BCAT2: variants seen among roughly 807,000 people sequenced by gnomAD.
The protein encoded by BCAT2 is branched-chain-amino-acid aminotransferase, mitochondrial.
BCAT2 carries 44 observed loss-of-function variants against 52.9 expected under a neutral mutation model. That is an observed-to-expected ratio of 0.83 (90% CI 0.65 to 1.07). BCAT2 has a LOEUF of 1.07. BCAT2 is among the 50% of genes least tolerant of loss of function. BCAT2 has a pLI of 0.00. For synonymous variants in BCAT2, 215 were observed against 217.1 expected (o/e 0.99, Z 0.08); for missense variants, 478 against 521.8 (o/e 0.92, Z 0.82).
At chr19:48,800,359 A>G in intron 3 of BCAT2, 62 bp from the exon 4 acceptor site, 3 of 1,356,730 alleles carry the variant, frequency 2.2e-6, no homozygotes, top group Non-Finnish European at 3.1e-6. Flanking sequence ...AGAGACACCA[A>G]GACAGACAGA....
intron 3 of BCAT2, among the ~76,000 whole-genome samples, chr19:48,802,730 G>C (rs2122677096): frequency 6.6e-6 from 1 of 152,234 alleles, no homozygotes; most frequent in Non-Finnish European, 1.5e-5. Flanking sequence ...TTGCAGGTGA[G>C]CCATCACAGC....
rs1275381183 is a variant in BCAT2, at chr19:48,806,505, C to T, written c.300+12G>A. The T allele has an allele frequency of 3.7e-6, 6 of 1,613,376 alleles. No individual in the cohort carries two copies. Among genetic ancestry groups the T allele is most frequent in the Middle Eastern group, 1.8e-4 (1 of 5,574 alleles). On this transcript the variant is annotated intron_variant, in intron 3 of 10. Coordinates refer to ENST00000316273, the MANE Select transcript of BCAT2 (RefSeq NM_001190.4). ...AGACAGGGACAGGGAGAGAGGCCGG[C>T]CGCCATGCCACCTGCAGGGAGTAGT... is the stretch of plus-strand genomic sequence containing the variant.
Position 48,806,550 on chromosome 19 carries a change from G to T in BCAT2, c.267C>A (p.His89Gln). The T allele has an allele frequency of 1.2e-6, 2 of 1,614,048 alleles. No individual in the cohort carries two copies. Among genetic ancestry groups the T allele is most frequent in the Non-Finnish European group, 1.7e-6 (2 of 1,179,994 alleles). ...AGTAGTGGAGGCTGGAGGAGGCTGG[G>T]TGCAGCGTGAGGTTCTGGAAGGGCT... ...RIQPFQNLTL[H>Q]PASSSLHYSL... is the part of the protein sequence containing the mutation. The change falls in exon 3 of 11, where the codon CAC (histidine) becomes CAA (glutamine). Residue 89 changes from histidine (H) to glutamine (Q), a missense_variant. By Grantham distance (24) the His-to-Gln change is conservative (BLOSUM62 0). Coordinates refer to ENST00000316273, the MANE Select transcript of BCAT2 (RefSeq NM_001190.4).
chr19:48,801,093 T>C (rs146908407), intron 3 of BCAT2, among the ~76,000 whole-genome samples: 17 of 152,190 alleles, frequency 1.1e-4, no homozygotes, highest in African/African-American at 4.1e-4. Flanking sequence ...GTCCAAGTGA[T>C]TCTTGTGCCT....
intron 8 of BCAT2, 38 bp downstream of exon 8, chr19:48,796,899 C>A: frequency 6.2e-7 from 1 of 1,610,044 alleles, no homozygotes; most frequent in Non-Finnish European, 8.5e-7. Flanking sequence ...TGGCCCCTGG[C>A]ACATGGCGCC....
rs927883729 is a variant in BCAT2, at chr19:48,795,318, G to T, written c.*108C>A. Reference sequence around the variant, plus strand: ...GGCGCCAGAGACCCAGACGCCGCCCGCTGGCCTTTTATTTCGTATTGCACT... The same window carrying T: ...GGCGCCAGAGACCCAGACGCCGCCCTCTGGCCTTTTATTTCGTATTGCACT... On this transcript the variant is annotated 3_prime_UTR_variant, in exon 11 of 11. Transcript: ENST00000316273. 4 of 1,465,978 alleles carry T rather than the reference G, an allele frequency of 2.7e-6. No individual in the cohort carries two copies. In the African/African-American group the frequency reaches 5.6e-5, roughly 20 times the overall value. 90.8% of individuals were successfully genotyped at this position (1,465,978 alleles called of 1,614,324 possible). A position where few individuals can be genotyped will look rare whatever the true frequency, so the allele number is the denominator to read the frequency against.
chr19:48,799,976 C>T lies in BCAT2; in HGVS notation c.531+5G>A, dbSNP rs781079074. The T allele has an allele frequency of 8.7e-6, 14 of 1,612,218 alleles. No homozygotes were observed. The highest frequency in any genetic ancestry group is 1.1e-5 in the Non-Finnish European group (13 of 1,179,000). ...CCAGCTTCCCAGCCCTGGAGTTGGGCCCACCTCGTTCCCAATGAGCACAGG... is the reference window on the plus strand; with the variant it reads ...CCAGCTTCCCAGCCCTGGAGTTGGGTCCACCTCGTTCCCAATGAGCACAGG... On this transcript the variant is annotated splice_donor_5th_base_variant and intron_variant, in intron 5 of 10. Coordinates refer to ENST00000316273, the MANE Select transcript of BCAT2 (RefSeq NM_001190.4). The surrounding 1 kb of genome is among the most constrained non-coding windows in gnomAD (Gnocchi z 5.5).
At position 48,806,598 on chromosome 19, in the gene BCAT2, C is replaced by T. The variant is rs2034787317; in HGVS notation, c.219G>A (p.Lys73=). 6.2e-7 allele frequency: 1 copy of T among 1,614,194 alleles called. No homozygotes were observed. The highest frequency in any genetic ancestry group is 8.5e-7 in the Non-Finnish European group (1 of 1,180,042). The part of the protein sequence containing the change: ...DHMLMVEWND[K]GWGQPRIQPF... Reference sequence around the variant, plus strand: ...GCTGGATTCGGGGCTGGCCCCAGCCCTTGTCATTCCATTCCACCATCAGCA... The same window carrying T: ...GCTGGATTCGGGGCTGGCCCCAGCCTTTGTCATTCCATTCCACCATCAGCA... The change falls in exon 3 of 11, where the codon AAG becomes AAA. Residue 73 remains lysine, a synonymous_variant. Coordinates refer to ENST00000316273, the MANE Select transcript of BCAT2 (RefSeq NM_001190.4).
chr19:48,797,525 C>T (rs2034554529), intron 6 of BCAT2, 192 bp from the exon 7 acceptor site: 2 of 623,850 alleles, frequency 3.2e-6, no homozygotes, highest in South Asian at 4.1e-5. Flanking sequence ...TCCCCTCTCT[C>T]CTGTCTCTTC....
rs374555330 is a variant in BCAT2, at chr19:48,796,693, G to T, written c.950C>A (p.Thr317Lys). 1.3e-5 allele frequency: 21 copies of T among 1,612,788 alleles called. No homozygotes were observed. In the South Asian group the frequency reaches 2.1e-4, roughly 16 times the overall value. The change falls in exon 9 of 11, where the codon ACG becomes AAG. Residue 317 changes from threonine (T) to lysine (K), a missense_variant. Transcript: ENST00000316273. The stretch of plus-strand genomic sequence containing the variant: ...CCGCAGCAACTGCTTCATGGTGATC[G>T]TGCGCTCCACCACCCGGAACTCACC... ...TWGEFRVVER[T>K]ITMKQLLRAL...
chr19:48,808,007 C>CA, intron 1 of BCAT2: 2 of 986,358 alleles, frequency 2.0e-6, no homozygotes, highest in Non-Finnish European at 2.4e-6. Context: ...TTGAGAGAGA[C>CA]AGAGTGGCCT....
At position 48,796,631 on chromosome 19, in the gene BCAT2, A is replaced by G; in HGVS notation, c.1012T>C (p.Ser338Pro). 1 of 1,613,588 alleles carries G rather than the reference A, an allele frequency of 6.2e-7. No homozygotes were observed. The highest frequency in any genetic ancestry group is 8.5e-7 in the Non-Finnish European group (1 of 1,179,988). ...EEGRVREVFG[S>P]GTACQVCPVH... ...GGGCAGACCTGGCAAGCGGTGCCCG[A>G]GCCAAAGACTTCCCGCACGCGGCCC... is the stretch of plus-strand genomic sequence containing the variant. Residue 338 changes from serine to proline, a missense_variant, in exon 9 of 11, where the codon TCG (serine) becomes CCG (proline). By Grantham distance (74) the Ser-to-Pro change is moderately conservative. Coordinates refer to ENST00000316273, the MANE Select transcript of BCAT2 (RefSeq NM_001190.4).
chr19:48,800,636 C>T (rs2034638364), intron 3 of BCAT2, among the ~76,000 whole-genome samples: 1 of 152,078 alleles, frequency 6.6e-6, no homozygotes, highest in African/African-American at 2.4e-5. Flanking sequence ...TATAGCAAGA[C>T]CCCATCTCTA....
chr19:48,795,601 C>T, intron 10 of BCAT2, 137 bp from the exon 11 acceptor site: 2 of 964,210 alleles, frequency 2.1e-6, no homozygotes, highest in Non-Finnish European at 3.2e-6. Context: ...TCCCAGAGGG[C>T]CCCAACAATG....
In BCAT2 at chr19:48,806,706, C is replaced by CA; in HGVS notation, c.110dup (p.Gln38AlafsTer10). The CA allele has an allele frequency of 6.2e-7, 1 of 1,613,248 alleles. No individual in the cohort carries two copies. Among genetic ancestry groups the CA allele is most frequent in the East Asian group, 2.2e-5 (1 of 44,880 alleles). On this transcript the variant is annotated frameshift_variant, in exon 3 of 11. Coordinates refer to ENST00000316273, the MANE Select transcript of BCAT2 (RefSeq NM_001190.4). LOFTEE classifies it high-confidence loss of function. The stretch of plus-strand genomic sequence containing the variant: ...GAGGCTTCTGTGTCATTTCCAGCTG[C>CA]AGGTCTGCAGCCTGAGGAAAGACAG...
At chr19:48,796,767 G>T in intron 8 of BCAT2, 49 bp from the exon 9 acceptor site, 1 of 1,594,466 alleles carries the variant, frequency 6.3e-7, no homozygotes. Flanking sequence ...TTGCCCTGCT[G>T]CAGACCTCCA....
At chr19:48,801,768 C>T (rs950853966) in intron 3 of BCAT2, among the ~76,000 whole-genome samples, 37 of 152,038 alleles carry the variant, frequency 2.4e-4, no homozygotes, top group African/African-American at 8.2e-4. Context: ...TCCCAAGTAG[C>T]TGGGATTACA....
Position 48,807,808 on chromosome 19 carries a change from GC to G in BCAT2, c.25-735del. 3.0e-6 allele frequency: 3 copies of G among 985,678 alleles called. No individual in the cohort carries two copies. Among genetic ancestry groups the G allele is most frequent in the Non-Finnish European group, 3.6e-6 (3 of 830,026 alleles). 61.1% of individuals were successfully genotyped at this position (985,678 alleles called of 1,614,324 possible). A position where few individuals can be genotyped will look rare whatever the true frequency, so the allele number is the denominator to read the frequency against. On this transcript the variant is annotated intron_variant, in intron 1 of 10. Transcript: ENST00000316273. The surrounding 1 kb of genome is among the most constrained non-coding windows in gnomAD (Gnocchi z 4.6). ...ACTCCAATTCCCTTCAGCCCCTGGG[GC>G]TGAGGGGCAGCTACAGGGGCCTGGG...
rs757405582 is a variant in BCAT2 at position 48,806,992 on chromosome 19, C to G, written c.99+8G>C. ...CTCAGAGCCAAGCATCGAGTTCCCTCCTTTCACCTTGAAACTGGAGGAGGC... is the reference window on the plus strand; with the variant it reads ...CTCAGAGCCAAGCATCGAGTTCCCTGCTTTCACCTTGAAACTGGAGGAGGC... On this transcript the variant is annotated splice_region_variant and intron_variant, in intron 2 of 10. Coordinates refer to ENST00000316273, the MANE Select transcript of BCAT2 (RefSeq NM_001190.4). 3 of 1,613,326 alleles carry G rather than the reference C, an allele frequency of 1.9e-6. No homozygotes were observed. Among genetic ancestry groups the G allele is most frequent in the Non-Finnish European group, 2.5e-6 (3 of 1,179,378 alleles).
Sources: gnomAD v4.1 joint callset for allele counts (sites outside exome capture counted in the v4.1 genomes callset) on GRCh38, gnomAD v4.1.1 for gene constraint, Gnocchi (gnomAD v3.1) non-coding constraint, MANE v1.5 for transcripts, NCBI Gene and HGNC (gene_info 2026-07-23, HGNC 2026-07-21) for gene names.